The following C1orf21 variants were observed in gnomAD, a reference collection of about 807,000 sequenced individuals.
C1orf21 encodes the protein uncharacterized protein C1orf21.
A neutral mutation model predicts 18.7 loss-of-function variants in C1orf21; 3 were observed. The observed-to-expected ratio is 0.16, with a 90% CI of 0.07 to 0.42. The LOEUF is 0.42. C1orf21 is among the 10% of genes least tolerant of loss of function. The pLI, the probability that C1orf21 is intolerant of heterozygous loss-of-function variation, is 0.99. For missense variants in C1orf21, 104 were observed against 143.6 expected (o/e 0.72, Z 1.41); for synonymous variants, 41 against 46.4 (o/e 0.88, Z 0.47).
chr1:184,527,212 T>G (rs892772914), intron 3 of C1orf21, among the ~76,000 whole-genome samples: 1 of 152,224 alleles, frequency 6.6e-6, no homozygotes, highest in Non-Finnish European at 1.5e-5. Flanking sequence ...ATATCCTCTA[T>G]GCCAGAAGTG....
chr1:184,409,772 A>G (rs1044465487), intron 1 of C1orf21, among the ~76,000 whole-genome samples: 1 of 152,196 alleles, frequency 6.6e-6, no homozygotes, highest in Non-Finnish European at 1.5e-5. Flanking sequence ...TCTGTGAATT[A>G]CTGAGTAGTA....
chr1:184,594,432 C>T (rs1362466256), intron 4 of C1orf21, among the ~76,000 whole-genome samples: 2 of 152,084 alleles, frequency 1.3e-5, no homozygotes, highest in East Asian at 1.9e-4. Flanking sequence ...ATGGGAGCCC[C>T]TATGAGAAAA....
intron 3 of C1orf21, among the ~76,000 whole-genome samples, chr1:184,540,720 C>G (rs936609300): frequency 1.3e-5 from 2 of 152,116 alleles, no homozygotes. Context: ...CGTGAGCCAC[C>G]GTGCCCAGCC....
intron 3 of C1orf21, among the ~76,000 whole-genome samples, chr1:184,571,090 G>C (rs922316715): frequency 2.0e-5 from 3 of 152,120 alleles, no homozygotes; most frequent in East Asian, 1.9e-4. Context: ...TCAGGAGATC[G>C]AGACCATCCC....
At chr1:184,426,565 G>A (rs1656640214) in intron 1 of C1orf21, among the ~76,000 whole-genome samples, 1 of 152,034 alleles carries the variant, frequency 6.6e-6, no homozygotes, top group African/African-American at 2.4e-5. Context: ...TTTCACTTAG[G>A]CTCTTTCTTC....
intron 2 of C1orf21, 58 bp downstream of exon 2, chr1:184,477,661 T>A (rs900580756): frequency 6.1e-6 from 8 of 1,320,730 alleles, no homozygotes; most frequent in East Asian, 4.6e-5. Flanking sequence ...CACTTTTTTT[T>A]ATTGATACAT....
chr1:184,401,311 C>G (rs1185497303), intron 1 of C1orf21, among the ~76,000 whole-genome samples: 1 of 152,140 alleles, frequency 6.6e-6, no homozygotes, highest in Non-Finnish European at 1.5e-5. Flanking sequence ...ACCTCCACCT[C>G]CTGGGTTCAA....
intron 1 of C1orf21, among the ~76,000 whole-genome samples, chr1:184,400,482 A>G (rs1571341168): frequency 6.6e-6 from 1 of 152,148 alleles, no homozygotes; most frequent in Non-Finnish European, 1.5e-5. Context: ...CCTCTTAGCA[A>G]AAAGGTTGCC....
At chr1:184,577,947 G>GTTTTGTTTTTTTTTTTTTTTTTTTT (rs1571285782) in intron 3 of C1orf21, among the ~76,000 whole-genome samples, 1 of 86,722 alleles carries the variant, frequency 1.2e-5, no homozygotes, top group Non-Finnish European at 2.2e-5. Flanking sequence ...TTTTTGTTTT[G>GTTTTGTTTTTTTTTTTTTTTTTTTT]TTTTTGTTTT....
chr1:184,511,765 G>A (rs2101965567), intron 3 of C1orf21, among the ~76,000 whole-genome samples: 1 of 152,238 alleles, frequency 6.6e-6, no homozygotes, highest in South Asian at 2.1e-4. Context: ...TTACAATCAT[G>A]GTAGAAGGGA....
chr1:184,593,559 TAGTTTGATATCAGG>T (rs1243784549), intron 4 of C1orf21, among the ~76,000 whole-genome samples: 3 of 152,210 alleles, frequency 2.0e-5, no homozygotes, highest in African/African-American at 7.2e-5. Flanking sequence ...TTTAATGCTT[TAGTTTGATATCAGG>T]CAAGTGACCT....
chr1:184,615,088 A>C (rs961178347), intron 5 of C1orf21, among the ~76,000 whole-genome samples: 1 of 152,196 alleles, frequency 6.6e-6, no homozygotes, highest in African/African-American at 2.4e-5. Context: ...GCAGGATTTA[A>C]AATTAGGATG....
At chr1:184,557,022 C>T (rs1571276222) in intron 3 of C1orf21, among the ~76,000 whole-genome samples, 2 of 152,124 alleles carry the variant, frequency 1.3e-5, no homozygotes, top group East Asian at 3.9e-4. Flanking sequence ...TGTAGTTTCT[C>T]CTCATTGACA....
At chr1:184,493,811 C>T (rs970015157) in intron 2 of C1orf21, among the ~76,000 whole-genome samples, 7 of 152,288 alleles carry the variant, frequency 4.6e-5, no homozygotes, top group African/African-American at 1.7e-4. Context: ...GTGCAGCTTT[C>T]CTCCTTTGTT....
chr1:184,467,237 A>G (rs1251211235), intron 1 of C1orf21, among the ~76,000 whole-genome samples: 2 of 152,174 alleles, frequency 1.3e-5, no homozygotes, highest in East Asian at 1.9e-4. Flanking sequence ...TTGCAGACCT[A>G]CTATGAGCCT....
chr1:184,505,152 G>A lies in C1orf21; in HGVS notation c.95-2436G>A, dbSNP rs1213440483. Among the ~76,000 whole-genome samples, 7 of 151,950 alleles carry A rather than the reference G, an allele frequency of 4.6e-5. 1 individual carries two copies. The East Asian group carries it at 1.2e-3, about 25-fold the overall frequency. On this transcript the variant is annotated intron_variant, in intron 2 of 5. Transcript: ENST00000235307. ...GCAGACGGGAGAGGACAGTGGGCAA[G>A]TGCAAGGGCATCTCCTCCCTAGGAG...
At chr1:184,468,007 TGTGTGA>T (rs1657429656) in intron 1 of C1orf21, among the ~76,000 whole-genome samples, 1 of 150,310 alleles carries the variant, frequency 6.7e-6, no homozygotes, top group African/African-American at 2.5e-5. Flanking sequence ...TGTGTGTGTG[TGTGTGA>T]GAGAGAGAGA....
intron 3 of C1orf21, among the ~76,000 whole-genome samples, chr1:184,574,250 A>G (rs146030893): frequency 3.3e-5 from 5 of 152,290 alleles, no homozygotes; most frequent in African/African-American, 1.2e-4. Flanking sequence ...TACCTTGGAA[A>G]CATCGGAAGA....
At chr1:184,567,253 T>C (rs781053258) in intron 3 of C1orf21, 6 of 465,480 alleles carry the variant, frequency 1.3e-5, no homozygotes. Context: ...AGGAGCTCCA[T>C]GTTCAGAAGG....
Sources: gnomAD v4.1 joint callset for allele counts (sites outside exome capture counted in the v4.1 genomes callset) on GRCh38, gnomAD v4.1.1 for gene constraint, MANE v1.5 for transcripts, NCBI Gene and HGNC (gene_info 2026-07-23, HGNC 2026-07-21) for gene names.